The following FAM81A variants were observed in gnomAD, a reference collection of about 807,000 sequenced individuals.
The protein encoded by FAM81A is protein FAM81A.
In FAM81A, 19 loss-of-function variants were observed where a neutral mutation model predicts 46.7. The ratio of observed to expected loss-of-function variants is 0.41; its 90% confidence interval spans 0.28 to 0.60. The LOEUF (loss-of-function observed/expected upper bound fraction) is 0.60. FAM81A is among the 20% of genes least tolerant of loss of function. FAM81A has a pLI of 0.34. For synonymous variants in FAM81A, 183 were observed against 152.9 expected (o/e 1.20, Z -1.45); for missense variants, 377 against 453.5 (o/e 0.83, Z 1.53).
chr15:59,492,431 T>C (rs769763714), intron 4 of FAM81A, 42 bp downstream of exon 4: 4 of 1,509,954 alleles, frequency 2.6e-6, no homozygotes, highest in Non-Finnish European at 3.6e-6. Flanking sequence ...TCAAAAACCA[T>C]TTTCTATAAA....
upstream of FAM81A, among the ~76,000 whole-genome samples, chr15:59,437,220 T>C (rs2081249208): frequency 6.6e-6 from 1 of 152,048 alleles, no homozygotes; most frequent in African/African-American, 2.4e-5. Flanking sequence ...TTCGGGCTCT[T>C]CTACCATGTC....
intron 2 of FAM81A, among the ~76,000 whole-genome samples, chr15:59,424,296 C>G (rs1280310148): frequency 6.6e-6 from 1 of 152,228 alleles, no homozygotes; most frequent in African/African-American, 2.4e-5. Context: ...TCTTCTCAGT[C>G]TCCTTCCTTG....
At chr15:59,441,140 A>G (rs2081293111) in intron 1 of FAM81A, among the ~76,000 whole-genome samples, 1 of 152,096 alleles carries the variant, frequency 6.6e-6, no homozygotes. Context: ...CACACTCTTC[A>G]TTCTCTGGAC....
rs770183606 is a variant in FAM81A at position 59,522,158 on chromosome 15, T to C, written c.*780T>C. On this transcript the variant is annotated 3_prime_UTR_variant, in exon 9 of 9. Transcript: ENST00000288228. ...TAATGGAATGGTGGTTAACAGTCTA[T>C]TTACTGCACAATTAATTGTTCACTA... 1 of 152,684 alleles carries C rather than the reference T, an allele frequency of 6.5e-6. No homozygotes were observed. The highest frequency in any genetic ancestry group is 1.9e-4 in the East Asian group (1 of 5,206). The allele number at this position is 152,684 out of a possible 1,614,324, so 9.5% of individuals were successfully genotyped here.
intron 2 of FAM81A, among the ~76,000 whole-genome samples, chr15:59,425,616 T>A (rs1458130167): frequency 1.3e-5 from 2 of 152,202 alleles, no homozygotes; most frequent in African/African-American, 4.8e-5. Flanking sequence ...CCTTGGCTAT[T>A]CTTTTATTTG....
At chr15:59,410,545 G>A (rs1596460068) in intron 2 of FAM81A, among the ~76,000 whole-genome samples, 2 of 152,032 alleles carry the variant, frequency 1.3e-5, no homozygotes, top group Admixed American at 6.6e-5. Flanking sequence ...TGGACTACGA[G>A]AAAAAAACCA....
intron 1 of FAM81A, among the ~76,000 whole-genome samples, chr15:59,452,193 A>G (rs1596481564): frequency 6.6e-6 from 1 of 152,332 alleles, no homozygotes; most frequent in East Asian, 1.9e-4. Flanking sequence ...TTTCTACACT[A>G]CCTGCATCAT....
At chr15:59,501,151 C>G (rs905461544) in intron 4 of FAM81A, among the ~76,000 whole-genome samples, 2 of 152,058 alleles carry the variant, frequency 1.3e-5, no homozygotes, top group Non-Finnish European at 2.9e-5. Flanking sequence ...ATTTGTTTAG[C>G]GACTTGAATG....
At chr15:59,521,125 C>T (rs1196817410) in intron 8 of FAM81A, 129 bp from the exon 9 acceptor site, 4 of 1,047,528 alleles carry the variant, frequency 3.8e-6, no homozygotes, top group African/African-American at 3.3e-5. Context: ...CCCCATCATA[C>T]TTTCATCCCA....
In FAM81A at chr15:59,516,692, C is replaced by T; in HGVS notation, c.834C>T (p.Ala278=). ...DMEKKLSQMS[A]RLDKIEEGQK... is the part of the protein sequence containing the mutation. ...AGAAGAAGCTCAGCCAGATGTCAGC[C>T]AGGCTTGACAAAATAGAAGAGGGTC... The change falls in exon 8 of 9, where the codon GCC becomes GCT. Residue 278 remains alanine (A), a synonymous_variant. Coordinates refer to ENST00000288228, the MANE Select transcript of FAM81A (RefSeq NM_152450.3). 6.2e-7 allele frequency: 1 copy of T among 1,613,496 alleles called. No individual in the cohort carries two copies. The highest frequency in any genetic ancestry group is 8.5e-7 in the Non-Finnish European group (1 of 1,179,700).
At chr15:59,513,279 C>A (rs541479590) in intron 6 of FAM81A, among the ~76,000 whole-genome samples, 1 of 151,802 alleles carries the variant, frequency 6.6e-6, no homozygotes, top group African/African-American at 2.4e-5. Context: ...ATTTGGGGAA[C>A]GTTAGAGAGA....
intron 3 of FAM81A, among the ~76,000 whole-genome samples, chr15:59,484,293 G>T (rs974400310): frequency 6.6e-6 from 1 of 152,174 alleles, no homozygotes; most frequent in Non-Finnish European, 1.5e-5. Context: ...ATGGACAGGA[G>T]GGCAGAGGAA....
At chr15:59,475,218 C>T (rs1328391261) in intron 3 of FAM81A, among the ~76,000 whole-genome samples, 1 of 151,842 alleles carries the variant, frequency 6.6e-6, no homozygotes, top group Non-Finnish European at 1.5e-5. Flanking sequence ...GATCTCAGCT[C>T]ACTGCAACCT....
chr15:59,500,900 A>C (rs1015082154), intron 4 of FAM81A, among the ~76,000 whole-genome samples: 1 of 152,028 alleles, frequency 6.6e-6, no homozygotes, highest in Admixed American at 6.6e-5. Flanking sequence ...GTTATTATAC[A>C]TTCCTTTACT....
chr15:59,472,335 A>G (rs1445251707), intron 3 of FAM81A, among the ~76,000 whole-genome samples: 6 of 152,132 alleles, frequency 3.9e-5, no homozygotes, highest in African/African-American at 1.4e-4. Flanking sequence ...GAGATGCTAC[A>G]TTCAAAACTA....
Position 59,462,215 on chromosome 15 carries a change from A to C in FAM81A, c.294+2009A>C, listed in dbSNP as rs367962933. On this transcript the variant is annotated intron_variant, in intron 3 of 8. Coordinates refer to ENST00000288228, the MANE Select transcript of FAM81A (RefSeq NM_152450.3). ...GAGACTGCATCTCAAAAAAAAAAAA[A>C]AAAAACATAGCCAAATAATTTTCCA... Among the ~76,000 whole-genome samples, 14 of 152,160 alleles carry C rather than the reference A, an allele frequency of 9.2e-5. No individual in the cohort carries two copies. The East Asian group carries it at 1.4e-3, about 15-fold the overall frequency.
At chr15:59,402,518 G>T (rs2081075938) in intron 2 of FAM81A, among the ~76,000 whole-genome samples, 1 of 152,074 alleles carries the variant, frequency 6.6e-6, no homozygotes, top group Non-Finnish European at 1.5e-5. Context: ...TTGGCTAGAA[G>T]GATATTTTAA....
chr15:59,507,219 T>G lies in FAM81A; in HGVS notation c.420T>G (p.Asp140Glu). The G allele has an allele frequency of 6.2e-7, 1 of 1,610,518 alleles. No individual in the cohort carries two copies. The highest frequency in any genetic ancestry group is 2.2e-5 in the East Asian group (1 of 44,848). Residue 140 changes from aspartate to glutamate, a missense_variant, in exon 5 of 9, where the codon GAT becomes GAG. By Grantham distance (45) the Asp-to-Glu change is conservative. Coordinates refer to ENST00000288228, the MANE Select transcript of FAM81A (RefSeq NM_152450.3). The stretch of plus-strand genomic sequence containing the variant: ...TTGTTCTTTGTCTGGACAGATGTGA[T>G]GCCAGCATAGCTAGACTTTCTGCAG... ...GDLRGRVARC[D>E]ASIARLSAEH...
intron 3 of FAM81A, among the ~76,000 whole-genome samples, chr15:59,462,233 ATT>A (rs1309133796): frequency 1.3e-5 from 2 of 151,764 alleles, no homozygotes; most frequent in African/African-American, 4.8e-5. Flanking sequence ...TAGCCAAATA[ATT>A]TTCCAAAGTG....
Sources: gnomAD v4.1 joint callset for allele counts (sites outside exome capture counted in the v4.1 genomes callset) on GRCh38, gnomAD v4.1.1 for gene constraint, MANE v1.5 for transcripts, NCBI Gene and HGNC (gene_info 2026-07-23, HGNC 2026-07-21) for gene names.